The following PEX14 variants were observed in gnomAD, a reference collection of about 807,000 sequenced individuals.
The protein encoded by PEX14 is peroxisomal biogenesis factor 14, also known as peroxisomal membrane protein PEX14.
Under a neutral mutation model 49.5 loss-of-function variants are expected in PEX14, and 15 were observed. The ratio of observed to expected loss-of-function variants is 0.30; its 90% confidence interval spans 0.20 to 0.47. The LOEUF (loss-of-function observed/expected upper bound fraction) is 0.47. PEX14 is among the 20% of genes least tolerant of loss of function. The pLI is 1.00. For synonymous variants in PEX14, 210 were observed against 212.7 expected (o/e 0.99, Z 0.11); for missense variants, 398 against 494.8 (o/e 0.80, Z 1.86).
At chr1:10,490,988 C>G (rs1221114310) in intron 1 of PEX14, among the ~76,000 whole-genome samples, 1 of 151,644 alleles carries the variant, frequency 6.6e-6, no homozygotes, top group Non-Finnish European at 1.5e-5. Context: ...AACCACCATG[C>G]CCGGCCTTGT....
chr1:10,495,066 C>G lies in PEX14; in HGVS notation c.37-208C>G. The G allele has an allele frequency of 1.0e-6, 1 of 980,592 alleles. No homozygotes were observed. Among genetic ancestry groups the G allele is most frequent in the Non-Finnish European group, 1.2e-6 (1 of 825,556 alleles). The allele number at this position is 980,592 out of a possible 1,614,324, so 60.7% of individuals were successfully genotyped here. On this transcript the variant is annotated intron_variant, in intron 1 of 8. Coordinates refer to ENST00000356607, the MANE Select transcript of PEX14 (RefSeq NM_004565.3). The surrounding 1 kb of genome is among the most constrained non-coding windows in gnomAD (Gnocchi z 4.2). The stretch of plus-strand genomic sequence containing the variant: ...GTGGTGTGACAAGTGAACCCAGAAA[C>G]AGTCTTCATCTTCCCTGGTGAATTC...
In PEX14 at chr1:10,535,662, A is replaced by G. The variant is rs549157976; in HGVS notation, c.85-551A>G. Among the ~76,000 whole-genome samples the G allele has an allele frequency of 7.9e-5, 12 of 152,318 alleles. 1 individual carries two copies. The South Asian group carries it at 2.5e-3, about 32-fold the overall frequency. On this transcript the variant is annotated intron_variant, in intron 2 of 8. Transcript: ENST00000356607. ...AATTATGTCTTCAATTATATGGTAC[A>G]CAGTACAGGCACTGAAGAATTGAAG... is the stretch of plus-strand genomic sequence containing the variant.
intron 4 of PEX14, among the ~76,000 whole-genome samples, chr1:10,603,635 C>A (rs189981322): frequency 6.6e-6 from 1 of 152,178 alleles, no homozygotes; most frequent in East Asian, 1.9e-4. Flanking sequence ...GGAGTCAGTG[C>A]ATGTGTATAG....
chr1:10,574,870 G>A (rs1354060341), intron 3 of PEX14, among the ~76,000 whole-genome samples: 1 of 152,146 alleles, frequency 6.6e-6, no homozygotes, highest in East Asian at 1.9e-4. Context: ...CAGAGCTTAG[G>A]GGGCTGAGGC....
In PEX14 at chr1:10,539,196, G is replaced by T. The variant is rs544513079; in HGVS notation, c.169+2899G>T. ...CTCTGTGACTTCTGGTGGGGGTGCT[G>T]GGTGAGGGTGAGTAGGGAATGAGTG... On this transcript the variant is annotated intron_variant, in intron 3 of 8. Transcript: ENST00000356607. The surrounding 1 kb of genome is among the most constrained non-coding windows in gnomAD (Gnocchi z 4.6). Among the ~76,000 whole-genome samples the T allele has an allele frequency of 8.9e-4, 135 of 152,244 alleles. 1 individual carries two copies. Among genetic ancestry groups the T allele is most frequent in the African/African-American group, 3.0e-3 (125 of 41,556 alleles).
chr1:10,559,216 A>G (rs1444621800), intron 3 of PEX14, among the ~76,000 whole-genome samples: 1 of 152,148 alleles, frequency 6.6e-6, no homozygotes, highest in Admixed American at 6.5e-5. Flanking sequence ...GGGAGGTACA[A>G]TCACCCCCTT....
chr1:10,613,077 C>T lies in PEX14; in HGVS notation c.299-5255C>T, dbSNP rs536875341. On this transcript the variant is annotated intron_variant, in intron 4 of 8. Transcript: ENST00000356607. This position sits in a 1 kb window ranked among gnomAD's most constrained non-coding sequence, Gnocchi z 5.0. ...GTGACAGCTCTCAGCTCTGTGTTGC[C>T]GATGAACCTTTACTGGATTGCAGGA... 6.6e-5 allele frequency among the ~76,000 whole-genome samples: 10 copies of T among 152,282 alleles called. No individual in the cohort carries two copies. Among genetic ancestry groups the T allele is most frequent in the East Asian group, 5.8e-4 (3 of 5,182 alleles).
In PEX14 at chr1:10,597,409, C is replaced by T. The variant is rs905863538; in HGVS notation, c.170-1829C>T. Among the ~76,000 whole-genome samples the T allele has an allele frequency of 2.6e-5, 4 of 152,186 alleles. No homozygotes were observed. Among genetic ancestry groups the T allele is most frequent in the African/African-American group, 7.2e-5 (3 of 41,436 alleles). ...TAGTCGGAGCGATCGGCAGTCACTA[C>T]ACAGGCTGGAACCTGAGAGGCACAA... On this transcript the variant is annotated intron_variant, in intron 3 of 8. Coordinates refer to ENST00000356607, the MANE Select transcript of PEX14 (RefSeq NM_004565.3). The surrounding 1 kb of genome is among the most constrained non-coding windows in gnomAD (Gnocchi z 5.7).
intron 3 of PEX14, among the ~76,000 whole-genome samples, chr1:10,558,477 G>A (rs1639558439): frequency 6.6e-6 from 1 of 151,894 alleles, no homozygotes. Context: ...GCTCATGCCT[G>A]TAATCCCAGC....
Position 10,559,087 on chromosome 1 carries a change from A to G in PEX14, c.169+22790A>G, listed in dbSNP as rs181122037. Among the ~76,000 whole-genome samples, 7 of 152,302 alleles carry G rather than the reference A, an allele frequency of 4.6e-5. No individual in the cohort carries two copies. The East Asian group carries it at 1.4e-3, about 29-fold the overall frequency. On this transcript the variant is annotated intron_variant, in intron 3 of 8. Transcript: ENST00000356607. Reference sequence around the variant, plus strand: ...GTTGGTTCTCTTAGGTTTTCTCAGTAGCATATCACATGAAAATAACATTTT... The same window carrying G: ...GTTGGTTCTCTTAGGTTTTCTCAGTGGCATATCACATGAAAATAACATTTT...
chr1:10,593,689 G>C (rs1477749857), intron 3 of PEX14, among the ~76,000 whole-genome samples: 6 of 151,172 alleles, frequency 4.0e-5, no homozygotes, highest in African/African-American at 1.5e-4. Flanking sequence ...AGGTTGGGGG[G>C]CTGGGGGAGG....
chr1:10,530,128 T>C (rs1040013783), intron 2 of PEX14, among the ~76,000 whole-genome samples: 1 of 152,202 alleles, frequency 6.6e-6, no homozygotes, highest in East Asian at 1.9e-4. Context: ...TGTGTGTGCG[T>C]TAATTATAGA....
chr1:10,520,178 G>A (rs1444282665), intron 2 of PEX14, among the ~76,000 whole-genome samples: 48 of 67,598 alleles, frequency 7.1e-4, no homozygotes, highest in Non-Finnish European at 9.5e-4. Flanking sequence ...TTTAACTAGA[G>A]ACAAGGTCTC....
chr1:10,567,721 C>T lies in PEX14; in HGVS notation c.169+31424C>T, dbSNP rs188749664. The stretch of plus-strand genomic sequence containing the variant: ...TGTTGACCAGGCTGGTCTTGAACTC[C>T]TGACCTCAAGTGATCCGCCTGCCTC... On this transcript the variant is annotated intron_variant, in intron 3 of 8. Coordinates refer to ENST00000356607, the MANE Select transcript of PEX14 (RefSeq NM_004565.3). Among the ~76,000 whole-genome samples the T allele has an allele frequency of 1.1e-3, 168 of 152,280 alleles. 2 individuals are homozygous for T. The highest frequency in any genetic ancestry group is 3.8e-3 in the African/African-American group (159 of 41,542).
intron 2 of PEX14, among the ~76,000 whole-genome samples, chr1:10,517,620 C>A (rs1474755242): frequency 6.6e-6 from 1 of 150,550 alleles, no homozygotes; most frequent in East Asian, 2.0e-4. Flanking sequence ...AATTCCCCTC[C>A]AAATTCATAT....
At chr1:10,491,674 C>CTT (rs5772417) in intron 1 of PEX14, among the ~76,000 whole-genome samples, 13 of 55,104 alleles carry the variant, frequency 2.4e-4, no homozygotes, top group Non-Finnish European at 3.0e-4. Flanking sequence ...GGCCATGCTC[C>CTT]TTTTTTTTTT....
At chr1:10,487,329 G>GT (rs58538498) in intron 1 of PEX14, among the ~76,000 whole-genome samples, 12,334 of 138,316 alleles carry the variant, frequency 0.089, 1,466 homozygotes, top group African/African-American at 0.27. Flanking sequence ...GAGTTTGGCA[G>GT]TTTTTTTTTT....
chr1:10,528,474 A>G (rs1638554973), intron 2 of PEX14: 2 of 168,286 alleles, frequency 1.2e-5, no homozygotes, highest in South Asian at 3.9e-4. Context: ...TGTGCCACAT[A>G]TTTTTAGTGT....
chr1:10,585,043 A>G (rs1381443452), intron 3 of PEX14, among the ~76,000 whole-genome samples: 1 of 152,192 alleles, frequency 6.6e-6, no homozygotes, highest in Non-Finnish European at 1.5e-5. Context: ...CACTATAGTA[A>G]GTAAAGGATA....
Sources: gnomAD v4.1 joint callset for allele counts (sites outside exome capture counted in the v4.1 genomes callset) on GRCh38, gnomAD v4.1.1 for gene constraint, Gnocchi (gnomAD v3.1) non-coding constraint, MANE v1.5 for transcripts, NCBI Gene and HGNC (gene_info 2026-07-23, HGNC 2026-07-21) for gene names.